Variants in FAM135B observed in about 807,000 individuals in gnomAD.
FAM135B encodes the protein family with sequence similarity 135 member B.
In FAM135B, 43 loss-of-function variants were observed where a neutral mutation model predicts 127.7. The observed-to-expected ratio is 0.34, with a 90% confidence interval of 0.26 to 0.43. FAM135B has a LOEUF of 0.43. Ranked by LOEUF, FAM135B falls within the 20% of genes least tolerant of loss-of-function variation. FAM135B has a pLI of 1.00. For missense variants in FAM135B, 1,558 were observed against 1,725.6 expected (o/e 0.90, Z 1.72); for synonymous variants, 670 against 665.1 (o/e 1.01, Z -0.11).
intron 3 of FAM135B, among the ~76,000 whole-genome samples, chr8:138,283,464 G>A (rs1367224791): frequency 6.6e-6 from 1 of 151,862 alleles, no homozygotes; most frequent in Non-Finnish European, 1.5e-5. Flanking sequence ...GGGAGGTGGA[G>A]GGATTAATAG....
intron 2 of FAM135B, among the ~76,000 whole-genome samples, chr8:138,332,541 T>A (rs933755708): frequency 2.0e-5 from 3 of 151,994 alleles, no homozygotes; most frequent in African/African-American, 7.3e-5. Context: ...TAGACCTGGT[T>A]GCAAAGATCA....
At chr8:138,201,587 G>A (rs750175538) in intron 7 of FAM135B, among the ~76,000 whole-genome samples, 4 of 152,144 alleles carry the variant, frequency 2.6e-5, no homozygotes, top group Admixed American at 1.3e-4. Flanking sequence ...CTGCAGAGTC[G>A]GTGTCAGAGT....
chr8:138,428,957 G>A (rs1563995303), intron 1 of FAM135B, among the ~76,000 whole-genome samples: 3 of 152,158 alleles, frequency 2.0e-5, no homozygotes, highest in Admixed American at 6.5e-5. Context: ...AGTGGCCAAC[G>A]TACTGGGGAT....
At chr8:138,359,910 C>T (rs16908932) in intron 2 of FAM135B, among the ~76,000 whole-genome samples, 7,006 of 152,208 alleles carry the variant, frequency 0.046, 296 homozygotes, top group East Asian at 0.17. Flanking sequence ...CAGGTGAGTA[C>T]GTTCAAAGGA....
At position 138,150,627 on chromosome 8, in the gene FAM135B, C is replaced by T. The variant is rs562012277; in HGVS notation, c.3281+567G>A. On this transcript the variant is annotated intron_variant, in intron 13 of 19. Transcript: ENST00000395297. ...AGGCTGCAGTGAGCAGAGATTGCGT[C>T]ACTGCACTCCAGCCTGGCGACAGAG... Among the ~76,000 whole-genome samples the T allele has an allele frequency of 7.2e-5, 11 of 152,108 alleles. No homozygotes were observed. The East Asian group carries it at 2.1e-3, about 30-fold the overall frequency.
chr8:138,241,562 A>G lies in FAM135B; in HGVS notation c.669+1380T>C, dbSNP rs4243888. Among the ~76,000 whole-genome samples, 57,067 of 152,048 alleles carry G rather than the reference A, an allele frequency of 0.38. 10,868 individuals are homozygous for G. The highest frequency in any genetic ancestry group is 0.5 in the Middle Eastern group (147 of 294). On this transcript the variant is annotated intron_variant, in intron 7 of 19. Transcript: ENST00000395297. The surrounding 1 kb of genome is among the most constrained non-coding windows in gnomAD (Gnocchi z 4.8). ...GCTGGGTCTCAGAGCTAGCAAAGAT[A>G]ACATCACAGGAGAGCCAGCTGAGTG...
At chr8:138,373,217 C>A (rs1344549912) in intron 1 of FAM135B, among the ~76,000 whole-genome samples, 2 of 152,058 alleles carry the variant, frequency 1.3e-5, no homozygotes, top group Non-Finnish European at 2.9e-5. Context: ...AATGGAGGGA[C>A]CGGCTGAAGC....
chr8:138,287,599 C>T (rs1025515336), intron 3 of FAM135B, among the ~76,000 whole-genome samples: 4 of 152,090 alleles, frequency 2.6e-5, no homozygotes, highest in Non-Finnish European at 4.4e-5. Context: ...GAAAAGTCCC[C>T]AAACAGTGGC....
chr8:138,147,312 A>G (rs1315141248), intron 14 of FAM135B, among the ~76,000 whole-genome samples: 3 of 151,596 alleles, frequency 2.0e-5, no homozygotes, highest in Non-Finnish European at 4.4e-5. Flanking sequence ...GTTTATATTC[A>G]GCATTAAGTG....
rs114984805 is a variant in FAM135B, at chr8:138,341,584, A to T, written c.77+26323T>A. 8.7e-3 allele frequency among the ~76,000 whole-genome samples: 1,332 copies of T among 152,308 alleles called. 24 individuals carry two copies. The highest frequency in any genetic ancestry group is 0.031 in the African/African-American group (1,278 of 41,554). On this transcript the variant is annotated intron_variant, in intron 2 of 19. Coordinates refer to ENST00000395297, the MANE Select transcript of FAM135B (RefSeq NM_015912.4). ...TAAAATGGCTAAAATGATTTATTTT[A>T]TATTATGCATATTTTACCAAAATTG...
In FAM135B at chr8:138,151,326, T is replaced by C. The variant is rs754628005; in HGVS notation, c.3149A>G (p.Glu1050Gly). 1 of 1,614,024 alleles carries C rather than the reference T, an allele frequency of 6.2e-7. No homozygotes were observed. The highest frequency in any genetic ancestry group is 2.2e-5 in the East Asian group (1 of 44,870). Residue 1050 changes from glutamate (E) to glycine (G), a missense_variant, in exon 13 of 20, where the codon GAG (glutamate) becomes GGG (glycine). Around this residue, in one of 5 missense-constraint regions of FAM135B, gnomAD observed 923 missense variants for 865.3 expected, o/e 1.07. Transcript: ENST00000395297. ...AGAGAATCCAGCCCTGGCAGGGGTC[T>C]CCTTGGGCACAGATGAGAAAGGGAG... ...TCLPFSSVPK[E>G]TPARAGFSSK...
intron 1 of FAM135B, among the ~76,000 whole-genome samples, chr8:138,485,044 T>C (rs898337696): frequency 1.3e-5 from 2 of 152,238 alleles, no homozygotes; most frequent in Admixed American, 1.3e-4. Flanking sequence ...TCAGCTAAGA[T>C]GATGTGTGCT....
At chr8:138,226,843 T>A (rs1287042168) in intron 7 of FAM135B, among the ~76,000 whole-genome samples, 2 of 152,194 alleles carry the variant, frequency 1.3e-5, no homozygotes, top group Non-Finnish European at 2.9e-5. Context: ...ATTAAAGGCG[T>A]GTGCCACCAC....
chr8:138,323,613 C>CTTCTGTGTTT (rs1362275729), intron 2 of FAM135B, among the ~76,000 whole-genome samples: 2 of 152,328 alleles, frequency 1.3e-5, no homozygotes, highest in Admixed American at 6.5e-5. Context: ...GTGCTGTCTA[C>CTTCTGTGTTT]TTCTGTGTTT....
At chr8:138,177,201 T>C in intron 11 of FAM135B, 146 bp downstream of exon 11, 2 of 749,480 alleles carry the variant, frequency 2.7e-6, no homozygotes, top group Middle Eastern at 3.0e-4. Context: ...CTGACTCTTT[T>C]GCCTGCAGAG....
In FAM135B at chr8:138,151,804, G is replaced by A. The variant is rs2130743632; in HGVS notation, c.2671C>T (p.Pro891Ser). The A allele has an allele frequency of 6.2e-7, 1 of 1,614,108 alleles. No homozygotes were observed. The highest frequency in any genetic ancestry group is 8.5e-7 in the Non-Finnish European group (1 of 1,180,040). Reference sequence around the variant, plus strand: ...GCTCTATGAAGAGATCTGGTCCTGGGGTTTTCAAGTGCTATGACGCGTGGT... The same window carrying A: ...GCTCTATGAAGAGATCTGGTCCTGGAGTTTTCAAGTGCTATGACGCGTGGT... ...KIPRVIALEN[P>S]RTRSLHRALE... Residue 891 changes from proline to serine, a missense_variant, in exon 13 of 20, where the codon CCC (proline) becomes TCC (serine). By Grantham distance (74) the Pro-to-Ser change is moderately conservative. Coordinates refer to ENST00000395297, the MANE Select transcript of FAM135B (RefSeq NM_015912.4).
intron 4 of FAM135B, among the ~76,000 whole-genome samples, chr8:138,261,017 C>T (rs1394584768): frequency 1.3e-5 from 2 of 152,130 alleles, no homozygotes; most frequent in African/African-American, 4.8e-5. Context: ...TTCTACTTTA[C>T]TGCTTTTTAT....
chr8:138,490,632 T>C (rs1042334346), intron 1 of FAM135B, among the ~76,000 whole-genome samples: 44 of 152,148 alleles, frequency 2.9e-4, no homozygotes, highest in Non-Finnish European at 4.7e-4. Context: ...AGATTATCCA[T>C]ATGCAAAGAG....
At chr8:138,308,817 A>G (rs112847891) in intron 3 of FAM135B, among the ~76,000 whole-genome samples, 3 of 152,182 alleles carry the variant, frequency 2.0e-5, no homozygotes, top group African/African-American at 7.2e-5. Context: ...CACAGTCACA[A>G]GGAAGAAGCA....
Sources: allele counts gnomAD v4.1 joint callset (sites outside exome capture counted in the v4.1 genomes callset), GRCh38; gene constraint gnomAD v4.1.1; regional missense constraint gnomAD v4.1.1; non-coding constraint Gnocchi (gnomAD v3.1); transcripts MANE v1.5; gene names NCBI Gene and HGNC (gene_info 2026-07-23, HGNC 2026-07-21).